The following GLCE variants were observed in gnomAD, a reference collection of about 807,000 sequenced individuals.
GLCE encodes the protein D-glucuronyl C5-epimerase.
Under a neutral mutation model 47.9 loss-of-function variants are expected in GLCE, and 19 were observed. The observed-to-expected ratio is 0.40, with a 90% CI of 0.28 to 0.58. The LOEUF is 0.58. Ranked by LOEUF, GLCE falls within the 20% of genes least tolerant of loss-of-function variation. The pLI, the probability that GLCE is intolerant of heterozygous loss-of-function variation, is 0.48. For synonymous variants in GLCE, 245 were observed against 263.4 expected (o/e 0.93, Z 0.68); for missense variants, 556 against 743.3 (o/e 0.75, Z 2.93).
chr15:69,186,593 T>TTAG (rs1442705176), intron 1 of GLCE, among the ~76,000 whole-genome samples: 2 of 152,210 alleles, frequency 1.3e-5, no homozygotes, highest in African/African-American at 4.8e-5. Flanking sequence ...ATAGTTGATC[T>TTAG]TAGTTTCTGA....
At chr15:69,222,606 C>A (rs892624634) in intron 2 of GLCE, among the ~76,000 whole-genome samples, 1 of 152,182 alleles carries the variant, frequency 6.6e-6, no homozygotes, top group East Asian at 1.9e-4. Flanking sequence ...TTTCCTCCCC[C>A]TTCAGTCCTG....
chr15:69,194,484 C>T (rs1299759218), intron 1 of GLCE: 1 of 152,070 alleles, frequency 6.6e-6, no homozygotes, highest in African/African-American at 2.4e-5. Flanking sequence ...CTCATGGAAC[C>T]ATTTGTTTAT....
chr15:69,203,871 G>A (rs891335761), intron 1 of GLCE, among the ~76,000 whole-genome samples: 11 of 151,964 alleles, frequency 7.2e-5, no homozygotes, highest in Non-Finnish European at 1.2e-4. Flanking sequence ...AGAAACAACA[G>A]TATCCTTAAA....
intron 1 of GLCE, among the ~76,000 whole-genome samples, chr15:69,167,721 G>C (rs2051525997): frequency 6.6e-6 from 1 of 152,146 alleles, no homozygotes; most frequent in Admixed American, 6.5e-5. Context: ...GTAAATGTGG[G>C]CTGGGCTAGT....
intron 1 of GLCE, among the ~76,000 whole-genome samples, chr15:69,204,723 T>A (rs1503286): frequency 0.51 from 77,385 of 152,016 alleles, 23,242 homozygotes; most frequent in Non-Finnish European, 0.65. Context: ...AAAGTTCTTT[T>A]ATGATACCAC....
At chr15:69,251,005 C>A (rs1300753566) in intron 2 of GLCE, among the ~76,000 whole-genome samples, 1 of 152,122 alleles carries the variant, frequency 6.6e-6, no homozygotes, top group African/African-American at 2.4e-5. Flanking sequence ...AGTTTCACAT[C>A]TGGTTGTTAT....
At position 69,221,352 on chromosome 15, in the gene GLCE, C is replaced by T. The variant is rs889837516; in HGVS notation, c.-14+10946C>T. On this transcript the variant is annotated intron_variant, in intron 2 of 4. Coordinates refer to ENST00000261858, the MANE Select transcript of GLCE (RefSeq NM_015554.3). ...GCTTTGTGTAGTGCTGACATTTTAA[C>T]AATATTATGTCTTCCAATCCATGAA... Among the ~76,000 whole-genome samples, 4 of 152,216 alleles carry T rather than the reference C, an allele frequency of 2.6e-5. No individual in the cohort carries two copies. The East Asian group carries it at 7.7e-4, about 29-fold the overall frequency.
At chr15:69,252,099 G>T (rs930511709) in intron 2 of GLCE, among the ~76,000 whole-genome samples, 1 of 152,044 alleles carries the variant, frequency 6.6e-6, no homozygotes, top group Admixed American at 6.6e-5. Flanking sequence ...CTTTAGTAAC[G>T]AATGGCATCA....
Position 69,255,457 on chromosome 15 carries a change from A to G in GLCE, c.-13-337A>G, listed in dbSNP as rs76622635. Among the ~76,000 whole-genome samples the G allele has an allele frequency of 1.0e-2, 1,520 of 152,240 alleles. 24 individuals carry two copies. The highest frequency in any genetic ancestry group is 0.032 in the African/African-American group (1,343 of 41,536). On this transcript the variant is annotated intron_variant, in intron 2 of 4. Coordinates refer to ENST00000261858, the MANE Select transcript of GLCE (RefSeq NM_015554.3). Reference sequence around the variant, plus strand: ...AAAATCCAAAACCCTTCTGGTCCCAAGCATTTTGGGTACAGCATACTCAAA... The same window carrying G: ...AAAATCCAAAACCCTTCTGGTCCCAGGCATTTTGGGTACAGCATACTCAAA...
At chr15:69,267,638 A>G (rs1197788575) in intron 4 of GLCE, among the ~76,000 whole-genome samples, 1 of 152,222 alleles carries the variant, frequency 6.6e-6, no homozygotes. Context: ...TGGGCAAGTT[A>G]CTTCTTTGTG....
chr15:69,168,888 A>G (rs1471480368), intron 1 of GLCE, among the ~76,000 whole-genome samples: 2 of 152,208 alleles, frequency 1.3e-5, no homozygotes, highest in Non-Finnish European at 2.9e-5. Flanking sequence ...TATATACAAT[A>G]AAGTACACAA....
chr15:69,255,182 A>G (rs1323800622), intron 2 of GLCE, among the ~76,000 whole-genome samples: 1 of 152,228 alleles, frequency 6.6e-6, no homozygotes, highest in Non-Finnish European at 1.5e-5. Flanking sequence ...GTTTTTTCAG[A>G]CAGCTACTAA....
chr15:69,243,814 T>C (rs2052709306), intron 2 of GLCE, among the ~76,000 whole-genome samples: 1 of 118,258 alleles, frequency 8.5e-6, no homozygotes, highest in Non-Finnish European at 1.9e-5. Flanking sequence ...ATAAAATAAT[T>C]TTTTTAAAAA....
At chr15:69,183,633 T>C (rs1389402881) in intron 1 of GLCE, among the ~76,000 whole-genome samples, 2 of 152,254 alleles carry the variant, frequency 1.3e-5, no homozygotes, top group Non-Finnish European at 2.9e-5. Flanking sequence ...AACAATTGTG[T>C]ATCAGTCTGC....
chr15:69,170,274 T>C (rs1185082386), intron 1 of GLCE, among the ~76,000 whole-genome samples: 2 of 152,148 alleles, frequency 1.3e-5, no homozygotes, highest in Non-Finnish European at 2.9e-5. Context: ...TTAAAATATT[T>C]ATAATAAAAC....
At chr15:69,186,463 GATAA>G (rs2051825922) in intron 1 of GLCE, among the ~76,000 whole-genome samples, 1 of 152,120 alleles carries the variant, frequency 6.6e-6, no homozygotes, top group Non-Finnish European at 1.5e-5. Flanking sequence ...AAAGAAATCT[GATAA>G]ATATAGAGTA....
chr15:69,165,276 C>T (rs114227154), intron 1 of GLCE, among the ~76,000 whole-genome samples: 308 of 152,296 alleles, frequency 2.0e-3, no homozygotes, highest in African/African-American at 7.0e-3. Flanking sequence ...ATCAGCCCAA[C>T]TCTCTATCGT....
In GLCE at chr15:69,261,136, C is replaced by A. The variant is rs1277894970; in HGVS notation, c.636C>A (p.Ile212=). Residue 212 remains isoleucine, a synonymous_variant, in exon 4 of 5, where the codon ATC becomes ATA. Coordinates refer to ENST00000261858, the MANE Select transcript of GLCE (RefSeq NM_015554.3). ...QWGPQGYFYP[I]QIAQYGLSHY... ...GACCTCAAGGCTATTTCTATCCAAT[C>A]CAGATTGCACAGTATGGATTAAGTC... The A allele has an allele frequency of 1.2e-6, 2 of 1,613,002 alleles. No individual in the cohort carries two copies. Among genetic ancestry groups the A allele is most frequent in the Admixed American group, 3.3e-5 (2 of 60,014 alleles).
intron 2 of GLCE, among the ~76,000 whole-genome samples, chr15:69,247,751 C>T (rs1009517924): frequency 6.6e-6 from 1 of 152,086 alleles, no homozygotes; most frequent in African/African-American, 2.4e-5. Flanking sequence ...TGGTGTGTCT[C>T]AGAAAATAGC....
Sources: allele counts gnomAD v4.1 joint callset (sites outside exome capture counted in the v4.1 genomes callset), GRCh38; gene constraint gnomAD v4.1.1; transcripts MANE v1.5; gene names NCBI Gene and HGNC (gene_info 2026-07-23, HGNC 2026-07-21).